Variants in CCDC178 observed in about 807,000 individuals in gnomAD.
The protein encoded by CCDC178 is coiled-coil domain-containing protein 178.
A neutral mutation model predicts 117.4 loss-of-function variants in CCDC178; 126 were observed. The ratio of observed to expected loss-of-function variants is 1.07; its 90% CI spans 0.93 to 1.24. The LOEUF (loss-of-function observed/expected upper bound fraction) is 1.24, where lower values mean the gene tolerates loss of function less well. Ranked by LOEUF, CCDC178 falls within the 50% of genes most tolerant of loss-of-function variation. The pLI is 0.00. For missense variants in CCDC178, 1,030 were observed against 986.9 expected, an observed-to-expected ratio of 1.04 and a Z score of -0.59; for synonymous variants, 283 against 313.4, an observed-to-expected ratio of 0.90 and a Z score of 1.02.
chr18:32,998,720 A>C (rs1025878786), intron 21 of CCDC178, among the ~76,000 whole-genome samples: 5 of 152,172 alleles, frequency 3.3e-5, no homozygotes, highest in African/African-American at 1.2e-4. Flanking sequence ...TTCTAGACAC[A>C]GCCTGGGCCA....
At chr18:33,193,421 C>T (rs546459756) in intron 20 of CCDC178, among the ~76,000 whole-genome samples, 154 of 152,044 alleles carry the variant, frequency 1.0e-3, no homozygotes, top group African/African-American at 3.5e-3. Context: ...ATAACTGAGT[C>T]GTGCATACCC....
chr18:33,306,270 T>C (rs576947347), intron 11 of CCDC178, among the ~76,000 whole-genome samples: 43 of 152,164 alleles, frequency 2.8e-4, no homozygotes, highest in African/African-American at 8.7e-4. Flanking sequence ...CCTTGGATTA[T>C]CTATTGGGAA....
intron 11 of CCDC178, among the ~76,000 whole-genome samples, chr18:33,313,149 A>G (rs777474846): frequency 1.2e-4 from 19 of 152,228 alleles, no homozygotes; most frequent in Admixed American, 3.9e-4. Flanking sequence ...TGAATACAAT[A>G]GTTCCAGGTA....
At chr18:33,227,301 T>TA (rs1213354360) in intron 15 of CCDC178, among the ~76,000 whole-genome samples, 1 of 151,264 alleles carries the variant, frequency 6.6e-6, no homozygotes, top group Non-Finnish European at 1.5e-5. Context: ...TTTTTTTTTT[T>TA]AAATCATACC....
chr18:33,133,852 C>T (rs1268825351), intron 20 of CCDC178, among the ~76,000 whole-genome samples: 2 of 151,868 alleles, frequency 1.3e-5, no homozygotes, highest in African/African-American at 2.4e-5. Context: ...TTCAATTCTA[C>T]TTTGGATAAA....
At chr18:33,279,843 C>A (rs1264824795) in intron 12 of CCDC178, among the ~76,000 whole-genome samples, 3 of 152,094 alleles carry the variant, frequency 2.0e-5, no homozygotes, top group Non-Finnish European at 4.4e-5. Flanking sequence ...GAAAAACAAG[C>A]AATGGGGAAA....
intron 6 of CCDC178, among the ~76,000 whole-genome samples, chr18:33,364,803 A>C (rs1246331639): frequency 6.6e-6 from 1 of 151,634 alleles, no homozygotes; most frequent in Non-Finnish European, 1.5e-5. Flanking sequence ...TGAACAAAAA[A>C]ACATTGGAGT....
chr18:33,337,136 T>A (rs1047646567), intron 9 of CCDC178, among the ~76,000 whole-genome samples: 1 of 47,600 alleles, frequency 2.1e-5, no homozygotes, highest in African/African-American at 2.0e-4. Flanking sequence ...ATTCCTAAGC[T>A]TTTTTTTTTT....
intron 21 of CCDC178, among the ~76,000 whole-genome samples, chr18:33,057,499 A>AT (rs1166783027): frequency 2.0e-5 from 3 of 150,022 alleles, no homozygotes; most frequent in East Asian, 1.9e-4. Context: ...ACGTAACTGA[A>AT]TTTTTTTTTT....
chr18:32,994,908 A>G (rs1378557180), intron 21 of CCDC178, among the ~76,000 whole-genome samples: 1 of 152,232 alleles, frequency 6.6e-6, no homozygotes, highest in African/African-American at 2.4e-5. Context: ...CAGTATTTCT[A>G]AGGTGACTAA....
At chr18:33,402,085 C>T (rs553355549) in intron 3 of CCDC178, among the ~76,000 whole-genome samples, 5 of 152,160 alleles carry the variant, frequency 3.3e-5, no homozygotes, top group African/African-American at 1.2e-4. Flanking sequence ...GAAGGCCACA[C>T]AAATGTTCAC....
intron 3 of CCDC178, among the ~76,000 whole-genome samples, chr18:33,401,485 G>A (rs1000204169): frequency 6.6e-6 from 1 of 152,030 alleles, no homozygotes; most frequent in African/African-American, 2.4e-5. Context: ...TGCCTTGGTG[G>A]ATAACTGTAT....
At chr18:33,278,841 C>T (rs180832439) in intron 12 of CCDC178, among the ~76,000 whole-genome samples, 1 of 151,990 alleles carries the variant, frequency 6.6e-6, no homozygotes, top group Non-Finnish European at 1.5e-5. Context: ...ATAAACAGAA[C>T]CAAAGACAAA....
chr18:33,259,535 G>GGA (rs144131980), intron 14 of CCDC178, among the ~76,000 whole-genome samples: 3,441 of 151,988 alleles, frequency 0.023, 53 homozygotes, highest in Non-Finnish European at 0.034. Context: ...TGGCTGAACA[G>GGA]GAGAGAGAGA....
chr18:33,348,133 A>C (rs1233666882), intron 8 of CCDC178, among the ~76,000 whole-genome samples: 1 of 152,006 alleles, frequency 6.6e-6, no homozygotes, highest in Non-Finnish European at 1.5e-5. Context: ...CACTATAGGC[A>C]CAAATAATGA....
chr18:33,225,813 A>C (rs992720199), intron 16 of CCDC178, among the ~76,000 whole-genome samples: 2 of 152,206 alleles, frequency 1.3e-5, no homozygotes, highest in Admixed American at 6.5e-5. Flanking sequence ...AACAGAAAAA[A>C]ATTACAAAAT....
At chr18:33,011,740 TAAC>T (rs1568216181) in intron 21 of CCDC178, among the ~76,000 whole-genome samples, 1 of 109,872 alleles carries the variant, frequency 9.1e-6, no homozygotes, top group East Asian at 3.0e-4. Context: ...AGGCTTAACT[TAAC>T]GTGGCAAATG....
chr18:33,207,647 G>T (rs1372812641), intron 20 of CCDC178, among the ~76,000 whole-genome samples: 2 of 151,476 alleles, frequency 1.3e-5, no homozygotes, highest in African/African-American at 4.8e-5. Flanking sequence ...CCAAATAATT[G>T]CAATAGATGC....
At chr18:33,141,853 A>G (rs1471007458) in intron 20 of CCDC178, among the ~76,000 whole-genome samples, 2 of 151,926 alleles carry the variant, frequency 1.3e-5, no homozygotes, top group Non-Finnish European at 2.9e-5. Flanking sequence ...TCCCTTCCCT[A>G]TTTCCCCACC....
Sources: gnomAD v4.1 joint callset for allele counts (sites outside exome capture counted in the v4.1 genomes callset) on GRCh38, gnomAD v4.1.1 for gene constraint, MANE v1.5 for transcripts, NCBI Gene and HGNC (gene_info 2026-07-23, HGNC 2026-07-21) for gene names.